Variants in HS6ST3 observed in about 807,000 individuals in gnomAD.
The protein encoded by HS6ST3 is heparan sulfate 6-O-sulfotransferase 3, also known as heparan-sulfate 6-O-sulfotransferase 3.
HS6ST3 carries 12 observed loss-of-function variants against 36.7 expected under a neutral mutation model. The observed-to-expected ratio is 0.33, with a 90% confidence interval of 0.21 to 0.53. The LOEUF is 0.53. HS6ST3 is among the 20% of genes least tolerant of loss of function. HS6ST3 has a pLI of 0.95. For synonymous variants in HS6ST3, 240 were observed against 257.5 expected (o/e 0.93, Z 0.65); for missense variants, 584 against 640.9 (o/e 0.91, Z 0.96).
In HS6ST3 at chr13:96,254,476, TATATATATATATATATATATATAC is replaced by T. The variant is rs1251224404; in HGVS notation, c.707+162909_707+162932del. Among the ~76,000 whole-genome samples, 60 of 9,444 alleles carry T rather than the reference TATATATATATATATATATATATAC, an allele frequency of 6.4e-3. 2 individuals are homozygous for T. The highest frequency in any genetic ancestry group is 0.013 in the African/African-American group (58 of 4,484). 6.2% of individuals were successfully genotyped at this position (9,444 alleles called of 152,430 possible). A position where few individuals can be genotyped will look rare whatever the true frequency, so the allele number is the denominator to read the frequency against. On this transcript the variant is annotated intron_variant, in intron 1 of 1. Transcript: ENST00000376705. Reference sequence around the variant, plus strand: ...ATATATATATATATATATATATATATATATATATATATATATATATATACACATACATACACACACACACTTTTT... The same window carrying T: ...ATATATATATATATATATATATATATACATACATACACACACACACTTTTT...
At chr13:96,426,242 A>G (rs2055586434) in intron 1 of HS6ST3, among the ~76,000 whole-genome samples, 1 of 152,136 alleles carries the variant, frequency 6.6e-6, no homozygotes, top group Non-Finnish European at 1.5e-5. Flanking sequence ...ACCTCATTTC[A>G]GGGTTATATT....
At chr13:96,504,746 G>A (rs2056019530) in intron 1 of HS6ST3, among the ~76,000 whole-genome samples, 1 of 151,952 alleles carries the variant, frequency 6.6e-6, no homozygotes, top group African/African-American at 2.4e-5. Flanking sequence ...CAGAAAATAA[G>A]TCTCGTTATA....
chr13:96,583,495 A>T (rs984536480), intron 1 of HS6ST3, among the ~76,000 whole-genome samples: 1 of 151,730 alleles, frequency 6.6e-6, no homozygotes, highest in Non-Finnish European at 1.5e-5. Context: ...TACAGATGTG[A>T]GCACCCGCCC....
intron 1 of HS6ST3, among the ~76,000 whole-genome samples, chr13:96,409,118 G>A (rs995315714): frequency 2.0e-5 from 3 of 151,804 alleles, no homozygotes; most frequent in Admixed American, 6.5e-5. Context: ...AAGGTATTTG[G>A]CTGGATATTG....
intron 1 of HS6ST3, among the ~76,000 whole-genome samples, chr13:96,260,600 G>A (rs555675610): frequency 1.2e-4 from 18 of 150,666 alleles, no homozygotes; most frequent in African/African-American, 3.7e-4. Context: ...TTACAGGCAG[G>A]AGCCACCGTG....
chr13:96,375,230 A>G (rs1295013088), intron 1 of HS6ST3, among the ~76,000 whole-genome samples: 3 of 152,054 alleles, frequency 2.0e-5, no homozygotes, highest in African/African-American at 4.8e-5. Flanking sequence ...ATTACTTCGT[A>G]AAGACCTGTC....
At chr13:96,286,356 A>G (rs1228086729) in intron 1 of HS6ST3, among the ~76,000 whole-genome samples, 1 of 152,132 alleles carries the variant, frequency 6.6e-6, no homozygotes, top group East Asian at 1.9e-4. Context: ...ATAGACCTAC[A>G]TGCAGTCTTT....
At chr13:96,240,158 C>T (rs1214049542) in intron 1 of HS6ST3, among the ~76,000 whole-genome samples, 5 of 152,142 alleles carry the variant, frequency 3.3e-5, no homozygotes, top group Non-Finnish European at 4.4e-5. Flanking sequence ...TTATGTAGCA[C>T]TTACAGCATT....
At chr13:96,670,546 T>G (rs965936856) in intron 1 of HS6ST3, among the ~76,000 whole-genome samples, 4 of 151,950 alleles carry the variant, frequency 2.6e-5, no homozygotes, top group Non-Finnish European at 4.4e-5. Flanking sequence ...GAAAGGAGGT[T>G]CCAGGGAGAG....
intron 1 of HS6ST3, among the ~76,000 whole-genome samples, chr13:96,663,120 G>A (rs371747959): frequency 5.9e-5 from 9 of 152,136 alleles, no homozygotes; most frequent in African/African-American, 2.2e-4. Context: ...AGCCCTGACA[G>A]GGGTGGCTGG....
chr13:96,394,876 G>C (rs2055413280), intron 1 of HS6ST3, among the ~76,000 whole-genome samples: 1 of 152,164 alleles, frequency 6.6e-6, no homozygotes, highest in Non-Finnish European at 1.5e-5. Context: ...CAAATACTTA[G>C]AATCATTTAG....
chr13:96,679,913 G>A (rs1215147274), intron 1 of HS6ST3, among the ~76,000 whole-genome samples: 1 of 152,112 alleles, frequency 6.6e-6, no homozygotes, highest in Admixed American at 6.6e-5. Flanking sequence ...AGGGACCTTG[G>A]GCATCATAAG....
At chr13:96,576,725 T>C (rs1164293587) in intron 1 of HS6ST3, among the ~76,000 whole-genome samples, 2 of 151,974 alleles carry the variant, frequency 1.3e-5, no homozygotes, top group East Asian at 1.9e-4. Flanking sequence ...GCAGATCACC[T>C]GAGGTCAGGA....
At chr13:96,300,392 C>G (rs2054876344) in intron 1 of HS6ST3, among the ~76,000 whole-genome samples, 1 of 151,886 alleles carries the variant, frequency 6.6e-6, no homozygotes, top group South Asian at 2.1e-4. Context: ...ATCTCCTGAC[C>G]CACTCAATAG....
At chr13:96,615,059 A>T (rs1023707379) in intron 1 of HS6ST3, among the ~76,000 whole-genome samples, 1 of 152,170 alleles carries the variant, frequency 6.6e-6, no homozygotes, top group Non-Finnish European at 1.5e-5. Context: ...ATTTTATATA[A>T]TAACTCATCT....
At chr13:96,504,103 G>A (rs1272366924) in intron 1 of HS6ST3, among the ~76,000 whole-genome samples, 2 of 152,124 alleles carry the variant, frequency 1.3e-5, no homozygotes, top group Non-Finnish European at 2.9e-5. Flanking sequence ...TGGAATTTAG[G>A]GGTACAACAT....
At chr13:96,562,036 C>T (rs2056264148) in intron 1 of HS6ST3, among the ~76,000 whole-genome samples, 1 of 152,040 alleles carries the variant, frequency 6.6e-6, no homozygotes, top group Admixed American at 6.6e-5. Flanking sequence ...GGTATATGTC[C>T]AAAAGAAAAG....
In HS6ST3 at chr13:96,252,421, C is replaced by T. The variant is rs576155831; in HGVS notation, c.707+160852C>T. On this transcript the variant is annotated intron_variant, in intron 1 of 1. Transcript: ENST00000376705. ...TCTCTTCGACCTTTTCTATGGATTC[C>T]CTCTCTCCATGCCTCCTGTTCCCTC... is the stretch of plus-strand genomic sequence containing the variant. Among the ~76,000 whole-genome samples, 70 of 152,282 alleles carry T rather than the reference C, an allele frequency of 4.6e-4. 1 individual carries two copies. The highest frequency in any genetic ancestry group is 1.7e-3 in the African/African-American group (70 of 41,558).
chr13:96,395,057 T>C (rs12854680), intron 1 of HS6ST3, among the ~76,000 whole-genome samples: 1 of 152,206 alleles, frequency 6.6e-6, no homozygotes, highest in African/African-American at 2.4e-5. Context: ...TGTTGCTTTG[T>C]GGTCTTCTCA....
Sources: allele counts gnomAD v4.1 joint callset (sites outside exome capture counted in the v4.1 genomes callset), GRCh38; gene constraint gnomAD v4.1.1; transcripts MANE v1.5; gene names NCBI Gene and HGNC (gene_info 2026-07-23, HGNC 2026-07-21).